Variants in CUL4A observed in about 807,000 individuals in gnomAD.
CUL4A encodes cullin 4A, also known as cullin-4A.
CUL4A carries 16 observed loss-of-function variants against 95.5 expected under a neutral mutation model. The ratio of observed to expected loss-of-function variants is 0.17; its 90% CI spans 0.11 to 0.25. The LOEUF is 0.25. Ranked by LOEUF, CUL4A falls within the 10% of genes least tolerant of loss-of-function variation. The probability of loss-of-function intolerance (pLI) is 1.00; values close to 1 mark genes in which losing one functional copy is unlikely to be tolerated. For synonymous variants in CUL4A, 380 were observed against 353.1 expected (o/e 1.08, Z -0.85); for missense variants, 610 against 937.0 (o/e 0.65, Z 4.56).
chr13:113,243,081 T>C lies in CUL4A; in HGVS notation c.1149T>C (p.Asn383=). ...TGATCGAGGTCTGCTTCCAGAAGAA[T>C]GAGCGGTTCGTCAACCTGATGAAGG... ...DHVIEVCFQK[N]ERFVNLMKES... The change falls in exon 11 of 20, where the codon AAT becomes AAC. Residue 383 remains asparagine (N), a synonymous_variant. Transcript: ENST00000375440. The C allele has an allele frequency of 6.2e-7, 1 of 1,614,222 alleles. No individual in the cohort carries two copies. Among genetic ancestry groups the C allele is most frequent in the Non-Finnish European group, 8.5e-7 (1 of 1,180,024 alleles).
intron 8 of CUL4A, among the ~76,000 whole-genome samples, chr13:113,235,696 C>T (rs576611434): frequency 2.8e-4 from 43 of 152,020 alleles, no homozygotes; most frequent in Non-Finnish European, 2.9e-4. Flanking sequence ...TGCAGCTGGG[C>T]GCGGTGGCTC....
chr13:113,250,464 A>T (rs2041965948), intron 15 of CUL4A, among the ~76,000 whole-genome samples: 1 of 152,222 alleles, frequency 6.6e-6, no homozygotes, highest in South Asian at 2.1e-4. Context: ...GTCTCAAAAA[A>T]AGAAAATAAA....
In CUL4A at chr13:113,229,346, C is replaced by T. The variant is rs1473911200; in HGVS notation, c.439-100C>T. On this transcript the variant is annotated intron_variant, in intron 4 of 19. Transcript: ENST00000375440. ...GAGGGCTGTGGTGGACAGGAAACAG[C>T]TGTTGGATTTGAGACAGCTAGCATG... is the stretch of plus-strand genomic sequence containing the variant. 30 of 920,108 alleles carry T rather than the reference C, an allele frequency of 3.3e-5. 1 individual carries two copies. The highest frequency in any genetic ancestry group is 4.2e-4 in the Middle Eastern group (2 of 4,744). 57.0% of individuals were successfully genotyped at this position (920,108 alleles called of 1,614,324 possible).
chr13:113,249,417 G>T (rs1272674589), intron 15 of CUL4A, among the ~76,000 whole-genome samples: 3 of 152,106 alleles, frequency 2.0e-5, no homozygotes, highest in South Asian at 4.1e-4. Flanking sequence ...CATCCGTGCT[G>T]CACCATACAT....
At chr13:113,228,276 G>A (rs1385568389) in intron 4 of CUL4A, among the ~76,000 whole-genome samples, 1 of 152,170 alleles carries the variant, frequency 6.6e-6, no homozygotes, top group African/African-American at 2.4e-5. Context: ...TGGTGACAGG[G>A]TTCTTAGATG....
At chr13:113,246,167 C>A in intron 15 of CUL4A, 104 bp downstream of exon 15, 1 of 787,728 alleles carries the variant, frequency 1.3e-6, no homozygotes, top group Non-Finnish European at 2.1e-6. Flanking sequence ...TTAAAAATAG[C>A]CCACTCAGTC....
In CUL4A at chr13:113,245,110, C is replaced by T. The variant is rs368426379; in HGVS notation, c.1445-42C>T. 5.7e-4 allele frequency: 918 copies of T among 1,610,896 alleles called. 1 individual carries two copies. Among genetic ancestry groups the T allele is most frequent in the South Asian group, 1.1e-3 (101 of 90,998 alleles). ...CCCCTGTAACTGAGGGTTGCTGCCC[C>T]GTGTGTTACCCCGATCTCACTCCCT... On this transcript the variant is annotated intron_variant, in intron 13 of 19. Coordinates refer to ENST00000375440, the MANE Select transcript of CUL4A (RefSeq NM_001008895.4).
chr13:113,209,911 G>A, intron 1 of CUL4A, 62 bp from the exon 2 acceptor site: 3 of 1,353,258 alleles, frequency 2.2e-6, no homozygotes, highest in Non-Finnish European at 2.9e-6. Context: ...CCGGGTCGGG[G>A]GTGGCTACGC....
intron 9 of CUL4A, among the ~76,000 whole-genome samples, chr13:113,238,121 T>A (rs762397551): frequency 6.6e-6 from 1 of 152,036 alleles, no homozygotes; most frequent in African/African-American, 2.4e-5. Context: ...GTGTCAGGTG[T>A]TTTTATGAAA....
At position 113,232,125 on chromosome 13, in the gene CUL4A, G is replaced by GC. The variant is rs1566343280; in HGVS notation, c.513-1052_513-1051insC. Among the ~76,000 whole-genome samples, 255 of 143,330 alleles carry GC rather than the reference G, an allele frequency of 1.8e-3. 41 individuals are homozygous for GC. Among genetic ancestry groups the GC allele is most frequent in the African/African-American group, 6.1e-3 (210 of 34,584 alleles). The allele number at this position is 143,330 out of a possible 152,430, so 94.0% of individuals were successfully genotyped here. ...CCACTACCCGCCCACCACCATTACT[G>GC]TCACCACTACCCGCCCACCACCATT... On this transcript the variant is annotated intron_variant, in intron 5 of 19. Coordinates refer to ENST00000375440, the MANE Select transcript of CUL4A (RefSeq NM_001008895.4).
intron 17 of CUL4A, 57 bp downstream of exon 17, chr13:113,254,855 T>C (rs2042081731): frequency 6.3e-7 from 1 of 1,594,356 alleles, no homozygotes; most frequent in African/African-American, 1.3e-5. Flanking sequence ...ATGTATTTGT[T>C]TTAAGATAAG....
intron 16 of CUL4A, among the ~76,000 whole-genome samples, chr13:113,253,576 T>A (rs1307701584): frequency 1.3e-5 from 2 of 152,046 alleles, no homozygotes. Context: ...TAAAAAAAAA[T>A]TAAAAAAAAC....
intron 15 of CUL4A, among the ~76,000 whole-genome samples, chr13:113,247,266 G>A (rs1438230395): frequency 6.6e-6 from 1 of 152,128 alleles, no homozygotes; most frequent in Non-Finnish European, 1.5e-5. Flanking sequence ...GAGATTTAGA[G>A]GGGACAGACC....
At chr13:113,222,378 A>G (rs1281265848) in intron 3 of CUL4A, among the ~76,000 whole-genome samples, 1 of 145,064 alleles carries the variant, frequency 6.9e-6, no homozygotes, top group African/African-American at 2.5e-5. Context: ...GCATCCTGCC[A>G]GCAAACCTCT....
chr13:113,225,652 C>T (rs901577185), intron 3 of CUL4A, among the ~76,000 whole-genome samples: 5 of 152,224 alleles, frequency 3.3e-5, no homozygotes, highest in African/African-American at 1.2e-4. Flanking sequence ...GCTCCGCCTT[C>T]GGCTGCTGTG....
chr13:113,263,725 T>C lies in CUL4A; in HGVS notation c.*143T>C. 1 of 504,524 alleles carries C rather than the reference T, an allele frequency of 2.0e-6. No individual in the cohort carries two copies. The highest frequency in any genetic ancestry group is 3.5e-6 in the Non-Finnish European group (1 of 282,760). 31.3% of individuals were successfully genotyped at this position (504,524 alleles called of 1,614,324 possible). ...GAAGGGAGGTGGCTCCTGGGTCATC[T>C]TTCACAAGGCTCAAGACTTCAACCT... On this transcript the variant is annotated 3_prime_UTR_variant, in exon 20 of 20. Transcript: ENST00000375440.
intron 15 of CUL4A, among the ~76,000 whole-genome samples, chr13:113,247,423 C>T (rs1015931656): frequency 2.0e-5 from 3 of 152,184 alleles, no homozygotes; most frequent in Admixed American, 1.3e-4. Context: ...CAGGACACCT[C>T]TGGAACAAGA....
Position 113,222,363 on chromosome 13 carries a change from T to G in CUL4A, c.368+3315T>G, listed in dbSNP as rs145250533. Among the ~76,000 whole-genome samples, 488 of 151,362 alleles carry G rather than the reference T, an allele frequency of 3.2e-3. 3 individuals carry two copies. Among genetic ancestry groups the G allele is most frequent in the African/African-American group, 0.011 (471 of 41,378 alleles). On this transcript the variant is annotated intron_variant, in intron 3 of 19. Transcript: ENST00000375440. ...TGGGCAGCAAAACCACAGGGTGGAATGGCAGCATCCTGCCAGCAAACCTCT... is the reference window on the plus strand; with the variant it reads ...TGGGCAGCAAAACCACAGGGTGGAAGGGCAGCATCCTGCCAGCAAACCTCT...
intron 9 of CUL4A, among the ~76,000 whole-genome samples, chr13:113,237,445 A>G (rs1252421801): frequency 6.6e-6 from 1 of 152,204 alleles, no homozygotes; most frequent in East Asian, 1.9e-4. Flanking sequence ...CTTCTCCCCA[A>G]GTGGTGGCAG....
Sources: allele counts gnomAD v4.1 joint callset (sites outside exome capture counted in the v4.1 genomes callset), GRCh38; gene constraint gnomAD v4.1.1; transcripts MANE v1.5; gene names NCBI Gene and HGNC (gene_info 2026-07-23, HGNC 2026-07-21).